Variants in DNAI2 observed in about 807,000 individuals in gnomAD.
The protein encoded by DNAI2 is dynein axonemal intermediate chain 2.
DNAI2 carries 63 observed loss-of-function variants against 74.7 expected under a neutral mutation model. That is an observed-to-expected ratio of 0.84 (90% CI 0.69 to 1.04). DNAI2 has a LOEUF of 1.04. Among genes scored for constraint, DNAI2 ranks in the 50% least tolerant of loss-of-function variants. The pLI, the probability that DNAI2 is intolerant of heterozygous loss-of-function variation, is 0.00. For synonymous variants in DNAI2, 289 were observed against 314.9 expected, an observed-to-expected ratio of 0.92 and a Z score of 0.87; for missense variants, 688 against 803.2, an observed-to-expected ratio of 0.86 and a Z score of 1.73.
chr17:74,282,079 G>C (rs1214254312), intron 2 of DNAI2, 79 bp downstream of exon 2: 1 of 1,542,214 alleles, frequency 6.5e-7, no homozygotes, highest in African/African-American at 1.4e-5. Context: ...GAGTGGTTCT[G>C]TGGGTCCTTG....
At chr17:74,313,158 C>A (rs1349926376) in intron 12 of DNAI2, among the ~76,000 whole-genome samples, 1 of 152,152 alleles carries the variant, frequency 6.6e-6, no homozygotes, top group Admixed American at 6.6e-5. Flanking sequence ...ACCCATGACG[C>A]CTGCTTGAAG....
chr17:74,289,777 G>C lies in DNAI2; in HGVS notation c.610+41G>C, dbSNP rs775823680. ...GTCCTGGTGGCCTGGGAGGGCTGAG[G>C]GCTGGGACCAGCACAAGTGGAGGAG... is the stretch of plus-strand genomic sequence containing the variant. On this transcript the variant is annotated intron_variant, in intron 5 of 13. Transcript: ENST00000311014. 3 of 1,612,966 alleles carry C rather than the reference G, an allele frequency of 1.9e-6. 1 individual carries two copies. The South Asian group carries it at 3.3e-5, about 18-fold the overall frequency.
Position 74,305,273 on chromosome 17 carries a change from AAGGCCAAGACGTC to A in DNAI2, c.1045_1057del (p.Ala349LeufsTer29). The A allele has an allele frequency of 6.2e-7, 1 of 1,614,218 alleles. No individual in the cohort carries two copies. The highest frequency in any genetic ancestry group is 2.2e-5 in the East Asian group (1 of 44,870). On this transcript the variant is annotated frameshift_variant, in exon 9 of 14. Coordinates refer to ENST00000311014, the MANE Select transcript of DNAI2 (RefSeq NM_023036.6). LOFTEE classifies it high-confidence loss of function. ...GGGCATCGTCATCTCCTGCAACCGC[AAGGCCAAGACGTC>A]AGCTGAAAAGATTGTGTGCACCTTC...
At chr17:74,281,616 G>T (rs757344038) in intron 1 of DNAI2, 191 bp from the exon 2 acceptor site, 1 of 622,734 alleles carries the variant, frequency 1.6e-6, no homozygotes, top group Non-Finnish European at 2.8e-6. Context: ...GTAATGCTTA[G>T]CATATAGTCG....
chr17:74,304,988 G>A (rs1252701978), intron 8 of DNAI2, among the ~76,000 whole-genome samples: 1 of 152,206 alleles, frequency 6.6e-6, no homozygotes, highest in African/African-American at 2.4e-5. Context: ...GAGGAGCCAG[G>A]GAGGGCTTCA....
intron 8 of DNAI2, among the ~76,000 whole-genome samples, chr17:74,303,416 C>G (rs1223122876): frequency 1.3e-5 from 2 of 152,118 alleles, no homozygotes; most frequent in African/African-American, 2.4e-5. Context: ...TCCACTTGCC[C>G]TTGACGCCCA....
At position 74,289,691 on chromosome 17, in the gene DNAI2, C is replaced by T. The variant is rs138885031; in HGVS notation, c.565C>T (p.Arg189Trp). ...AVAYSCLDFQRAPVGMSSDSY... is the reference protein window; with the variant it reads ...AVAYSCLDFQWAPVGMSSDSY... ...GGCATACTCCTGCTTGGATTTTCAG[C>T]GGGCACCTGTGGGCATGAGCAGCGA... The change falls in exon 5 of 14, where the codon CGG becomes TGG. Residue 189 changes from arginine (R) to tryptophan (W), a missense_variant. Arg to Trp is a moderately radical substitution (Grantham distance 101). Transcript: ENST00000311014. 79 of 1,613,898 alleles carry T rather than the reference C, an allele frequency of 4.9e-5. No individual in the cohort carries two copies. The highest frequency in any genetic ancestry group is 6.7e-5 in the East Asian group (3 of 44,862).
intron 6 of DNAI2, among the ~76,000 whole-genome samples, chr17:74,296,683 AGAGGAGCCTTATCAG>A (rs2052465991): frequency 6.6e-6 from 1 of 152,216 alleles, no homozygotes; most frequent in Admixed American, 6.5e-5. Flanking sequence ...CAACCTTGCA[AGAGGAGCCTTATCAG>A]GGAACCACCA....
intron 5 of DNAI2, among the ~76,000 whole-genome samples, chr17:74,290,613 G>A (rs1043596504): frequency 6.6e-6 from 1 of 152,212 alleles, no homozygotes; most frequent in Non-Finnish European, 1.5e-5. Context: ...ACAGCTCAGC[G>A]AGTTCTGGCA....
At chr17:74,286,923 C>T in intron 3 of DNAI2, 54 bp from the exon 4 acceptor site, 1 of 1,612,626 alleles carries the variant, frequency 6.2e-7, no homozygotes, top group South Asian at 1.1e-5. Flanking sequence ...CAGGCCTGGG[C>T]AATCTGAAAG....
At chr17:74,309,442 G>A in intron 10 of DNAI2, 54 bp downstream of exon 10, 1 of 1,612,676 alleles carries the variant, frequency 6.2e-7, no homozygotes, top group East Asian at 2.2e-5. Context: ...CCAGGTCCCG[G>A]CGTGGGTGTG....
rs1289307255 is a variant in DNAI2, at chr17:74,281,883, C to T, written c.66C>T (p.Asp22=). The change falls in exon 2 of 14, where the codon GAC becomes GAT. Residue 22 remains aspartate, a synonymous_variant. Transcript: ENST00000311014. ...SEFGKQCNFS[D]RQAELNIDIM... ...TCGGGAAGCAGTGCAATTTCTCGGA[C>T]CGCCAGGCCGAGCTGAACATCGACA... 1.2e-6 allele frequency: 2 copies of T among 1,614,162 alleles called. No individual in the cohort carries two copies. Among genetic ancestry groups the T allele is most frequent in the African/African-American group, 2.7e-5 (2 of 75,054 alleles).
At chr17:74,296,346 G>GGAGAGAGAGAGAGAGAGAGAGAGAGA (rs1555611113) in intron 6 of DNAI2, among the ~76,000 whole-genome samples, 1 of 83,216 alleles carries the variant, frequency 1.2e-5, no homozygotes. Flanking sequence ...GAGAGAGAGA[G>GGAGAGAGAGAGAGAGAGAGAGAGAGA]GAGAGAGAGA....
At chr17:74,291,597 C>G (rs2052103519) in intron 6 of DNAI2, among the ~76,000 whole-genome samples, 1 of 152,214 alleles carries the variant, frequency 6.6e-6, no homozygotes, top group Admixed American at 6.5e-5. Context: ...ACGGGTGAGG[C>G]AGGTTTGGCT....
At chr17:74,312,526 AG>A (rs1397983859) in intron 12 of DNAI2, among the ~76,000 whole-genome samples, 1 of 152,110 alleles carries the variant, frequency 6.6e-6, no homozygotes, top group Non-Finnish European at 1.5e-5. Flanking sequence ...TGACTGAACG[AG>A]GGAACATGTG....
chr17:74,304,124 GAAA>G (rs1567868293), intron 8 of DNAI2, among the ~76,000 whole-genome samples: 1 of 149,112 alleles, frequency 6.7e-6, no homozygotes, highest in Admixed American at 6.7e-5. Context: ...CCTGTCTCGA[GAAA>G]TAAATAAATA....
At chr17:74,275,791 G>A (rs941044432) in intron 1 of DNAI2, among the ~76,000 whole-genome samples, 9 of 152,016 alleles carry the variant, frequency 5.9e-5, no homozygotes, top group African/African-American at 2.2e-4. Context: ...TCAGGAGACT[G>A]AGGCACAAGA....
chr17:74,289,124 G>A (rs981441830), intron 4 of DNAI2, among the ~76,000 whole-genome samples: 1 of 152,236 alleles, frequency 6.6e-6, no homozygotes, highest in African/African-American at 2.4e-5. Context: ...TCAGCAAGGG[G>A]TGTGCAGGAG....
At chr17:74,301,593 A>G (rs1240186004) in intron 8 of DNAI2, among the ~76,000 whole-genome samples, 1 of 151,574 alleles carries the variant, frequency 6.6e-6, no homozygotes, top group Non-Finnish European at 1.5e-5. Flanking sequence ...GAGGTACTGG[A>G]GAGGAAAATG....
Sources: gnomAD v4.1 joint callset for allele counts (sites outside exome capture counted in the v4.1 genomes callset) on GRCh38, gnomAD v4.1.1 for gene constraint, MANE v1.5 for transcripts, NCBI Gene and HGNC (gene_info 2026-07-23, HGNC 2026-07-21) for gene names.